Variants in PRKCA observed in about 807,000 individuals in gnomAD.
The protein encoded by PRKCA is protein kinase C alpha type.
A neutral mutation model predicts 87.0 loss-of-function variants in PRKCA; 27 were observed. The ratio of observed to expected loss-of-function variants is 0.31; its 90% CI spans 0.23 to 0.43. The LOEUF (loss-of-function observed/expected upper bound fraction) is 0.43. Ranked by LOEUF, PRKCA falls within the 20% of genes least tolerant of loss-of-function variation. PRKCA has a pLI of 1.00. For synonymous variants in PRKCA, 329 were observed against 311.1 expected, an observed-to-expected ratio of 1.06 and a Z score of -0.61; for missense variants, 518 against 852.3, an observed-to-expected ratio of 0.61 and a Z score of 4.88.
At chr17:66,353,696 A>T (rs1208862098) in intron 2 of PRKCA, among the ~76,000 whole-genome samples, 1 of 152,222 alleles carries the variant, frequency 6.6e-6, no homozygotes, top group Non-Finnish European at 1.5e-5. Context: ...AGCCTGGGCG[A>T]CAGAGCAAGA....
At chr17:66,447,497 TA>T (rs553966132) in intron 2 of PRKCA, among the ~76,000 whole-genome samples, 508 of 152,316 alleles carry the variant, frequency 3.3e-3, no homozygotes, top group Middle Eastern at 0.02. Flanking sequence ...ATTTGAATAG[TA>T]AAATGTGGGA....
intron 4 of PRKCA, among the ~76,000 whole-genome samples, chr17:66,643,428 C>T (rs1000802086): frequency 2.6e-5 from 4 of 152,180 alleles, no homozygotes; most frequent in Non-Finnish European, 5.9e-5. Context: ...GTGTTTGTAT[C>T]AGAGGGCTTT....
At chr17:66,454,492 C>T (rs1229442597) in intron 2 of PRKCA, among the ~76,000 whole-genome samples, 1 of 152,092 alleles carries the variant, frequency 6.6e-6, no homozygotes, top group Non-Finnish European at 1.5e-5. Flanking sequence ...AGTCTGTTTT[C>T]ATGCTACTGA....
At chr17:66,734,696 C>T (rs1164015574) in intron 9 of PRKCA, among the ~76,000 whole-genome samples, 7 of 152,176 alleles carry the variant, frequency 4.6e-5, no homozygotes, top group Non-Finnish European at 8.8e-5. Context: ...CCTGGGAATG[C>T]GGCCCAGCAG....
intron 2 of PRKCA, among the ~76,000 whole-genome samples, chr17:66,369,317 T>C (rs1908956511): frequency 6.6e-6 from 1 of 152,116 alleles, no homozygotes; most frequent in Non-Finnish European, 1.5e-5. Context: ...GGGAGGATCA[T>C]GTGAAGATTG....
chr17:66,335,329 G>A (rs949470802), intron 2 of PRKCA, among the ~76,000 whole-genome samples: 5 of 151,922 alleles, frequency 3.3e-5, no homozygotes, highest in African/African-American at 1.2e-4. Context: ...GAGACGAGGT[G>A]TGACTATGTT....
chr17:66,676,586 GT>G, intron 5 of PRKCA: 1 of 152,436 alleles, frequency 6.6e-6, no homozygotes, highest in Non-Finnish European at 1.5e-5. Flanking sequence ...GGTGCTCACT[GT>G]TTGCACTTGC....
chr17:66,388,894 C>T (rs763631641), intron 2 of PRKCA, among the ~76,000 whole-genome samples: 12 of 152,012 alleles, frequency 7.9e-5, no homozygotes, highest in African/African-American at 1.7e-4. Flanking sequence ...TACGTTGCTT[C>T]GGTGGGAAGG....
intron 3 of PRKCA, among the ~76,000 whole-genome samples, chr17:66,625,398 G>T (rs757320333): frequency 2.6e-5 from 4 of 152,166 alleles, no homozygotes; most frequent in Non-Finnish European, 5.9e-5. Context: ...TACTCTGCTG[G>T]TGACAAACTT....
rs577109175 is a variant in PRKCA at position 66,804,202 on chromosome 17, C to G, written c.*165C>G. ...CCAAATGTGATCAACTGTTCAGGGT[C>G]TCTCTCTTACAACCAAGAACATTAT... On this transcript the variant is annotated 3_prime_UTR_variant, in exon 17 of 17. Coordinates refer to ENST00000413366, the MANE Select transcript of PRKCA (RefSeq NM_002737.3). 1.0e-5 allele frequency: 9 copies of G among 897,060 alleles called. No individual in the cohort carries two copies. The highest frequency in any genetic ancestry group is 1.3e-5 in the Non-Finnish European group (8 of 622,870). 55.6% of individuals were successfully genotyped at this position (897,060 alleles called of 1,614,324 possible). A position where few individuals can be genotyped will look rare whatever the true frequency, so the allele number is the denominator to read the frequency against.
At chr17:66,580,296 C>T (rs1969378876) in intron 3 of PRKCA, among the ~76,000 whole-genome samples, 1 of 152,158 alleles carries the variant, frequency 6.6e-6, no homozygotes, top group Non-Finnish European at 1.5e-5. Context: ...CTTAGGGAGT[C>T]AAGAGGTCGC....
At chr17:66,628,529 C>T (rs1325300740) in intron 3 of PRKCA, among the ~76,000 whole-genome samples, 1 of 152,098 alleles carries the variant, frequency 6.6e-6, no homozygotes, top group Non-Finnish European at 1.5e-5. Context: ...GAATGAAATC[C>T]ACCAAAATGT....
At chr17:66,327,580 G>A (rs922755523) in intron 2 of PRKCA, among the ~76,000 whole-genome samples, 3 of 152,024 alleles carry the variant, frequency 2.0e-5, no homozygotes, top group Admixed American at 6.6e-5. Flanking sequence ...ATGTGCTCCC[G>A]TAACCGCCAG....
At chr17:66,354,056 A>G (rs990831907) in intron 2 of PRKCA, among the ~76,000 whole-genome samples, 1 of 152,192 alleles carries the variant, frequency 6.6e-6, no homozygotes, top group Non-Finnish European at 1.5e-5. Flanking sequence ...GATTCCTTCA[A>G]ATAAGTTTGT....
At chr17:66,642,663 C>T (rs1263545343) in intron 4 of PRKCA, among the ~76,000 whole-genome samples, 3 of 152,120 alleles carry the variant, frequency 2.0e-5, no homozygotes, top group African/African-American at 4.8e-5. Flanking sequence ...GAAACATAAA[C>T]GAGCATCATA....
intron 2 of PRKCA, among the ~76,000 whole-genome samples, chr17:66,404,786 C>G (rs1013827840): frequency 4.6e-5 from 5 of 109,814 alleles, no homozygotes; most frequent in Admixed American, 1.3e-4. Context: ...GCGTTTCACT[C>G]TAGTGCAGGC....
At chr17:66,410,540 T>G (rs906050080) in intron 2 of PRKCA, among the ~76,000 whole-genome samples, 1 of 152,196 alleles carries the variant, frequency 6.6e-6, no homozygotes, top group Non-Finnish European at 1.5e-5. Flanking sequence ...ATAAATTTCC[T>G]TCCAATTCAT....
intron 2 of PRKCA, among the ~76,000 whole-genome samples, chr17:66,459,393 A>G (rs979592919): frequency 4.6e-5 from 7 of 152,158 alleles, no homozygotes; most frequent in Admixed American, 3.9e-4. Flanking sequence ...AAAACAAAAC[A>G]CATGATGAAT....
At chr17:66,594,747 G>A (rs1969921789) in intron 3 of PRKCA, among the ~76,000 whole-genome samples, 1 of 152,162 alleles carries the variant, frequency 6.6e-6, no homozygotes. Flanking sequence ...ACCACACGGG[G>A]CCCAGAACAT....
Sources: gnomAD v4.1 joint callset for allele counts (sites outside exome capture counted in the v4.1 genomes callset) on GRCh38, gnomAD v4.1.1 for gene constraint, MANE v1.5 for transcripts, NCBI Gene and HGNC (gene_info 2026-07-23, HGNC 2026-07-21) for gene names.